The following EFCAB6 variants were observed in gnomAD, a reference collection of about 807,000 sequenced individuals.
The protein encoded by EFCAB6 is EF-hand calcium binding domain 6.
EFCAB6 carries 156 observed loss-of-function variants against 169.8 expected under a neutral mutation model. The ratio of observed to expected loss-of-function variants is 0.92; its 90% confidence interval spans 0.81 to 1.05. The LOEUF (loss-of-function observed/expected upper bound fraction) is 1.05, where lower values mean the gene tolerates loss of function less well. EFCAB6 is among the 50% of genes least tolerant of loss of function. The pLI, the probability that EFCAB6 is intolerant of heterozygous loss-of-function variation, is 0.00. For synonymous variants in EFCAB6, 698 were observed against 676.4 expected, an observed-to-expected ratio of 1.03 and a Z score of -0.50; for missense variants, 1,800 against 1,829.1, an observed-to-expected ratio of 0.98 and a Z score of 0.29.
chr22:43,560,734 G>A (rs570266022), intron 26 of EFCAB6, among the ~76,000 whole-genome samples: 6 of 152,318 alleles, frequency 3.9e-5, no homozygotes, highest in East Asian at 1.9e-4. Context: ...GTGAAGGTCC[G>A]GGAGGCCGAG....
intron 10 of EFCAB6, among the ~76,000 whole-genome samples, chr22:43,709,310 G>C (rs1475131410): frequency 2.6e-5 from 4 of 152,114 alleles, no homozygotes; most frequent in African/African-American, 4.8e-5. Context: ...TCGAACTCCT[G>C]ACCTCAGGTG....
In EFCAB6 at chr22:43,735,905, C is replaced by T; in HGVS notation, c.596G>A (p.Arg199Lys). The T allele has an allele frequency of 6.2e-7, 1 of 1,614,184 alleles. No homozygotes were observed. The highest frequency in any genetic ancestry group is 1.7e-5 in the Admixed American group (1 of 60,024). ...CTTCATACAGAAGGTCTCCAGAACCCTTCTTAGCTCCTGCGGTCGAACCAG... is the reference window on the plus strand; with the variant it reads ...CTTCATACAGAAGGTCTCCAGAACCTTTCTTAGCTCCTGCGGTCGAACCAG... ...TGLVRPQELR[R>K]VLETFCMKLR... The change falls in exon 7 of 32, where the codon AGG becomes AAG. Residue 199 changes from arginine to lysine, a missense_variant. By Grantham distance (26) the Arg-to-Lys change is conservative (BLOSUM62 2). Coordinates refer to ENST00000262726, the MANE Select transcript of EFCAB6 (RefSeq NM_022785.4).
At chr22:43,672,709 C>G (rs1197689502) in intron 13 of EFCAB6, among the ~76,000 whole-genome samples, 1 of 151,994 alleles carries the variant, frequency 6.6e-6, no homozygotes, top group Non-Finnish European at 1.5e-5. Flanking sequence ...TTTTCACCCT[C>G]AGGAGAATGA....
chr22:43,775,392 CAT>C (rs1569482910), intron 3 of EFCAB6, among the ~76,000 whole-genome samples: 1 of 152,176 alleles, frequency 6.6e-6, no homozygotes, highest in Non-Finnish European at 1.5e-5. Context: ...TGATACATGA[CAT>C]GTGTGATCTC....
chr22:43,617,568 G>T (rs2147738870), intron 20 of EFCAB6, among the ~76,000 whole-genome samples: 1 of 152,288 alleles, frequency 6.6e-6, no homozygotes, highest in East Asian at 1.9e-4. Context: ...CCTCTTGAGA[G>T]ATCAGGAGGT....
rs777921990 is a variant in EFCAB6 at position 43,560,126 on chromosome 22, T to A, written c.3421-5030A>T. On this transcript the variant is annotated intron_variant, in intron 26 of 31. Transcript: ENST00000262726. ...GGAATAAATAGACATATTATGTTCC[T>A]GGATATAAAGACTCACTTTCAAAAG... 2.0e-5 allele frequency among the ~76,000 whole-genome samples: 3 copies of A among 152,220 alleles called. No homozygotes were observed. The East Asian group carries it at 5.8e-4, about 29-fold the overall frequency.
chr22:43,693,790 T>C (rs1346514928), intron 10 of EFCAB6, among the ~76,000 whole-genome samples: 1 of 151,970 alleles, frequency 6.6e-6, no homozygotes, highest in Non-Finnish European at 1.5e-5. Context: ...ATATTATAAA[T>C]AGCATTATGC....
intron 1 of EFCAB6, among the ~76,000 whole-genome samples, chr22:43,809,457 GT>G (rs1172765416): frequency 2.0e-5 from 3 of 152,056 alleles, no homozygotes; most frequent in African/African-American, 7.3e-5. Flanking sequence ...GTATATAAGT[GT>G]TTGAGAGTGA....
chr22:43,643,969 G>A (rs1444156904), intron 17 of EFCAB6, among the ~76,000 whole-genome samples: 3 of 151,992 alleles, frequency 2.0e-5, no homozygotes, highest in South Asian at 2.1e-4. Context: ...GACTACAGGC[G>A]CCCACCATGA....
chr22:43,633,859 C>T (rs530390796), intron 18 of EFCAB6, among the ~76,000 whole-genome samples: 3 of 152,206 alleles, frequency 2.0e-5, no homozygotes, highest in African/African-American at 7.2e-5. Context: ...TACTGCCTGG[C>T]AGATAAACAC....
At chr22:43,748,474 T>C (rs921867184) in intron 6 of EFCAB6, among the ~76,000 whole-genome samples, 6 of 152,154 alleles carry the variant, frequency 3.9e-5, no homozygotes, top group Admixed American at 2.0e-4. Context: ...CCCACATCTC[T>C]TCCCCTATCC....
chr22:43,686,696 AC>A (rs1313428419), intron 11 of EFCAB6, among the ~76,000 whole-genome samples: 2 of 152,206 alleles, frequency 1.3e-5, no homozygotes, highest in African/African-American at 4.8e-5. Context: ...AATCCCCGAG[AC>A]AGGGACAGGA....
In EFCAB6 at chr22:43,666,954, C is replaced by CAA. The variant is rs34356586; in HGVS notation, c.1983+148_1983+149dup. 4.8e-3 allele frequency: 4,226 copies of CAA among 882,450 alleles called. 2 individuals carry two copies. The highest frequency in any genetic ancestry group is 9.6e-3 in the East Asian group (294 of 30,660). 54.7% of individuals were successfully genotyped at this position (882,450 alleles called of 1,614,324 possible). On this transcript the variant is annotated intron_variant, in intron 17 of 31. Coordinates refer to ENST00000262726, the MANE Select transcript of EFCAB6 (RefSeq NM_022785.4). ...AATGTGCCAATGACAATTTTTTGGC[C>CAA]AAAAAAAAAAATCCTTTTAAATTGT...
At chr22:43,804,232 A>C (rs115024724) in intron 2 of EFCAB6, among the ~76,000 whole-genome samples, 6,043 of 152,296 alleles carry the variant, frequency 0.04, 433 homozygotes, top group African/African-American at 0.14. Context: ...CCGATGAATC[A>C]ATGAAGAAAT....
chr22:43,766,441 A>G (rs1239694619), intron 4 of EFCAB6, among the ~76,000 whole-genome samples: 1 of 152,232 alleles, frequency 6.6e-6, no homozygotes, highest in Non-Finnish European at 1.5e-5. Flanking sequence ...AAATGAGGTA[A>G]AATGTTCACA....
intron 20 of EFCAB6, among the ~76,000 whole-genome samples, chr22:43,626,182 T>C (rs1041763035): frequency 2.0e-5 from 3 of 152,178 alleles, no homozygotes; most frequent in Admixed American, 6.5e-5. Context: ...CACACACGTA[T>C]GTAAGTATAT....
At chr22:43,762,270 C>T (rs933215272) in intron 5 of EFCAB6, among the ~76,000 whole-genome samples, 1 of 152,156 alleles carries the variant, frequency 6.6e-6, no homozygotes, top group Non-Finnish European at 1.5e-5. Flanking sequence ...GATGTAGGGT[C>T]CCAACTTTGT....
Position 43,690,667 on chromosome 22 carries a change from C to G in EFCAB6, c.1032-3086G>C, listed in dbSNP as rs11912512. On this transcript the variant is annotated intron_variant, in intron 10 of 31. Coordinates refer to ENST00000262726, the MANE Select transcript of EFCAB6 (RefSeq NM_022785.4). ...GCCCTGCTCACCTCCCTAGCCTCACCCCATGGCATGCTCCCCGGGCTCTCT... is the reference window on the plus strand; with the variant it reads ...GCCCTGCTCACCTCCCTAGCCTCACGCCATGGCATGCTCCCCGGGCTCTCT... 8.5e-3 allele frequency among the ~76,000 whole-genome samples: 1,300 copies of G among 152,090 alleles called. 25 individuals carry two copies. Among genetic ancestry groups the G allele is most frequent in the African/African-American group, 0.03 (1,233 of 41,474 alleles).
intron 24 of EFCAB6, among the ~76,000 whole-genome samples, chr22:43,582,901 A>C (rs1158821044): frequency 1.3e-5 from 2 of 152,218 alleles, no homozygotes; most frequent in African/African-American, 2.4e-5. Flanking sequence ...ACTGCAAACA[A>C]CTACCTTTTC....
Sources: gnomAD v4.1 joint callset for allele counts (sites outside exome capture counted in the v4.1 genomes callset) on GRCh38, gnomAD v4.1.1 for gene constraint, MANE v1.5 for transcripts, NCBI Gene and HGNC (gene_info 2026-07-23, HGNC 2026-07-21) for gene names.